DOCK8: variants seen among roughly 807,000 people sequenced by gnomAD.
The protein encoded by DOCK8 is dedicator of cytokinesis 8.
In DOCK8, 141 loss-of-function variants were observed where a neutral mutation model predicts 245.6. The ratio of observed to expected loss-of-function variants is 0.57; its 90% CI spans 0.50 to 0.66. The LOEUF is 0.66. Among genes scored for constraint, DOCK8 ranks in the 30% least tolerant of loss-of-function variants. The probability of loss-of-function intolerance (pLI) is 0.00; values close to 1 mark genes in which losing one functional copy is unlikely to be tolerated. For missense variants in DOCK8, 2,965 were observed against 2,603.4 expected, an observed-to-expected ratio of 1.14 and a Z score of -3.02; for synonymous variants, 1,168 against 970.2, an observed-to-expected ratio of 1.20 and a Z score of -3.79.
rs16931101 is a variant in DOCK8 at position 334,104 on chromosome 9, T to A, written c.1126-121T>A. 7,567 of 1,082,522 alleles carry A rather than the reference T, an allele frequency of 7.0e-3. 370 individuals are homozygous for A. The African/African-American group carries it at 0.1, about 15-fold the overall frequency. The allele number at this position is 1,082,522 out of a possible 1,614,324, so 67.1% of individuals were successfully genotyped here. A position where few individuals can be genotyped will look rare whatever the true frequency, so the allele number is the denominator to read the frequency against. On this transcript the variant is annotated intron_variant, in intron 10 of 47. Coordinates refer to ENST00000432829, the MANE Select transcript of DOCK8 (RefSeq NM_203447.4). ...GTTTTTATTTTTTAGTGGGAAGATA[T>A]GTTTTTACTCTTTTTAATCAGTAGG...
At chr9:371,612 A>C in intron 17 of DOCK8, 46 bp downstream of exon 17, 1 of 1,613,242 alleles carries the variant, frequency 6.2e-7, no homozygotes, top group Non-Finnish European at 8.5e-7. Context: ...TTGTTGGTGC[A>C]TCTGAGGTCC....
intron 46 of DOCK8, among the ~76,000 whole-genome samples, chr9:453,495 C>G (rs1286286673): frequency 6.6e-6 from 1 of 152,130 alleles, no homozygotes; most frequent in African/African-American, 2.4e-5. Flanking sequence ...GGCATAATCT[C>G]AGCTCACTGC....
chr9:302,142 A>C (rs909456914), intron 4 of DOCK8, among the ~76,000 whole-genome samples: 4 of 152,244 alleles, frequency 2.6e-5, no homozygotes, highest in Admixed American at 6.5e-5. Flanking sequence ...GTCCAGGTAC[A>C]AAAACAGACA....
rs890679702 is a variant in DOCK8 at position 441,733 on chromosome 9, T to A, written c.5356-142T>A. On this transcript the variant is annotated intron_variant, in intron 41 of 47. Coordinates refer to ENST00000432829, the MANE Select transcript of DOCK8 (RefSeq NM_203447.4). ...GAAGTTTATTCCATAAGCATTAAAT[T>A]TTTTTAAGGAGTAATTTCTGTTTAC... 9.1e-6 allele frequency: 10 copies of A among 1,104,248 alleles called. No individual in the cohort carries two copies. In the Admixed American group the frequency reaches 9.6e-5, roughly 11 times the overall value. The allele number at this position is 1,104,248 out of a possible 1,614,324, so 68.4% of individuals were successfully genotyped here. A position where few individuals can be genotyped will look rare whatever the true frequency, so the allele number is the denominator to read the frequency against.
chr9:215,253 G>T, intron 1 of DOCK8: 1 of 1,595,752 alleles, frequency 6.3e-7, no homozygotes, highest in South Asian at 1.1e-5. Context: ...GAATCTCGGT[G>T]CTCCTGGATG....
intron 2 of DOCK8, among the ~76,000 whole-genome samples, chr9:283,043 C>T (rs377696682): frequency 6.6e-6 from 1 of 152,160 alleles, no homozygotes; most frequent in Non-Finnish European, 1.5e-5. Flanking sequence ...CTTCCAAACA[C>T]ACTTAATATT....
intron 43 of DOCK8, 90 bp from the exon 44 acceptor site, chr9:446,280 A>G: frequency 9.0e-7 from 1 of 1,106,098 alleles, no homozygotes; most frequent in Non-Finnish European, 1.4e-6. Flanking sequence ...CGGTGCCGGC[A>G]CGCCGTGTTC....
chr9:235,000 G>C lies in DOCK8; in HGVS notation c.53+19971G>C, dbSNP rs142539385. Reference sequence around the variant, plus strand: ...CATTTTTAGAGTTTCCAGTTTTTCTGCTCTGTTTTTTTCCCATCTTTGTGT... The same window carrying C: ...CATTTTTAGAGTTTCCAGTTTTTCTCCTCTGTTTTTTTCCCATCTTTGTGT... On this transcript the variant is annotated intron_variant, in intron 1 of 47. Transcript: ENST00000432829. Among the ~76,000 whole-genome samples, 95 of 152,176 alleles carry C rather than the reference G, an allele frequency of 6.2e-4. 1 individual carries two copies. The highest frequency in any genetic ancestry group is 2.2e-3 in the African/African-American group (93 of 41,516).
At chr9:459,566 T>G (rs10814996) in intron 46 of DOCK8, 112,621 of 152,160 alleles carry the variant, frequency 0.74, 42,845 homozygotes, top group East Asian at 1. Context: ...TACTTGCCTA[T>G]GATGTGGTCA....
At chr9:214,556 C>T (rs202148697), upstream of DOCK8, 4 of 1,613,838 alleles carry the variant, frequency 2.5e-6, no homozygotes, top group Admixed American at 1.7e-5. Flanking sequence ...TTGTGGGGCT[C>T]CCCCGACTTG....
chr9:347,891 A>T (rs2051982151), intron 14 of DOCK8, among the ~76,000 whole-genome samples: 1 of 152,220 alleles, frequency 6.6e-6, no homozygotes, highest in Non-Finnish European at 1.5e-5. Context: ...CCACTAGAGG[A>T]CACAATTCAC....
At chr9:285,020 A>G (rs1393053336) in intron 2 of DOCK8, among the ~76,000 whole-genome samples, 2 of 152,166 alleles carry the variant, frequency 1.3e-5, no homozygotes, top group African/African-American at 4.8e-5. Flanking sequence ...GTGATAAAAT[A>G]ATTGTACAAC....
At chr9:293,131 A>C (rs2049114130) in intron 4 of DOCK8, among the ~76,000 whole-genome samples, 1 of 152,232 alleles carries the variant, frequency 6.6e-6, no homozygotes, top group African/African-American at 2.4e-5. Flanking sequence ...CCTAGTGGAC[A>C]GGGAGAAGTG....
chr9:218,556 A>G (rs557589974), intron 1 of DOCK8, among the ~76,000 whole-genome samples: 3 of 152,304 alleles, frequency 2.0e-5, no homozygotes, highest in Admixed American at 2.0e-4. Flanking sequence ...ATGTCATAAC[A>G]TGGTACTTGT....
intron 4 of DOCK8, 44 bp from the exon 5 acceptor site, chr9:304,537 T>G (rs753906650): frequency 1.6e-5 from 25 of 1,612,888 alleles, no homozygotes; most frequent in Non-Finnish European, 1.9e-5. Context: ...TTTGCCGCTC[T>G]CTCTCCCTCT....
chr9:370,666 G>A (rs570859840), intron 16 of DOCK8, among the ~76,000 whole-genome samples: 7 of 152,282 alleles, frequency 4.6e-5, no homozygotes, highest in Non-Finnish European at 7.4e-5. Flanking sequence ...GTCCCTGTCC[G>A]CTCCACTTGA....
At chr9:400,902 CTACCAACAGCTCCTT>C (rs1430497443) in intron 26 of DOCK8, among the ~76,000 whole-genome samples, 1 of 111,286 alleles carries the variant, frequency 9.0e-6, no homozygotes, top group Non-Finnish European at 1.8e-5. Context: ...ACCTCCCCCA[CTACCAACAGCTCCTT>C]CACCATCACC....
chr9:212,126 G>C (rs1056408442), upstream of DOCK8, among the ~76,000 whole-genome samples: 1 of 152,026 alleles, frequency 6.6e-6, no homozygotes, highest in African/African-American at 2.4e-5. Flanking sequence ...TGTGTGGGGG[G>C]GTTAATGTTA....
rs1328354131 is a variant in DOCK8 at position 289,310 on chromosome 9, C to G, written c.333-200C>G. Among the ~76,000 whole-genome samples the G allele has an allele frequency of 2.0e-5, 3 of 152,112 alleles. No homozygotes were observed. The East Asian group carries it at 5.8e-4, about 29-fold the overall frequency. ...AGAAAACCCACAAAGCAAAAAAATGCCAACATGTTTGTCTCATCAAAGTAA... is the reference window on the plus strand; with the variant it reads ...AGAAAACCCACAAAGCAAAAAAATGGCAACATGTTTGTCTCATCAAAGTAA... On this transcript the variant is annotated intron_variant, in intron 3 of 47. Coordinates refer to ENST00000432829, the MANE Select transcript of DOCK8 (RefSeq NM_203447.4).
Sources: allele counts gnomAD v4.1 joint callset (sites outside exome capture counted in the v4.1 genomes callset), GRCh38; gene constraint gnomAD v4.1.1; transcripts MANE v1.5; gene names NCBI Gene and HGNC (gene_info 2026-07-23, HGNC 2026-07-21).